ACVR1B: variants seen among roughly 807,000 people sequenced by gnomAD.
ACVR1B encodes activin A receptor type 1B.
A neutral mutation model predicts 55.6 loss-of-function variants in ACVR1B; 15 were observed. That is an observed-to-expected ratio of 0.27 (90% CI 0.18 to 0.42). The LOEUF is 0.42. Among genes scored for constraint, ACVR1B ranks in the 10% least tolerant of loss-of-function variants. The probability of loss-of-function intolerance (pLI) is 1.00; values close to 1 mark genes in which losing one functional copy is unlikely to be tolerated. For missense variants in ACVR1B, 359 were observed against 670.1 expected (o/e 0.54, Z 5.13); for synonymous variants, 247 against 254.6 (o/e 0.97, Z 0.28).
rs904754606 is a variant in ACVR1B, at chr12:51,995,627, T to G, written c.*1517T>G. The G allele has an allele frequency of 1.2e-4, 19 of 152,580 alleles. No homozygotes were observed. The highest frequency in any genetic ancestry group is 4.6e-4 in the African/African-American group (19 of 41,416). 9.5% of individuals were successfully genotyped at this position (152,580 alleles called of 1,614,324 possible). ...TTTTAATGTTGTTAAATATTAAGTT[T>G]TTGTAAAAGGAAAACCATCTCTGTG... is the stretch of plus-strand genomic sequence containing the variant. On this transcript the variant is annotated 3_prime_UTR_variant, in exon 9 of 9. Coordinates refer to ENST00000257963, the MANE Select transcript of ACVR1B (RefSeq NM_004302.5).
chr12:51,953,814 A>G (rs1941357928), intron 1 of ACVR1B, among the ~76,000 whole-genome samples: 1 of 152,192 alleles, frequency 6.6e-6, no homozygotes, highest in African/African-American at 2.4e-5. Context: ...TGAATGGGGC[A>G]GAGTTCATTT....
chr12:51,978,829 CAAAAAA>C (rs34088542), intron 3 of ACVR1B, among the ~76,000 whole-genome samples: 5 of 48,278 alleles, frequency 1.0e-4, no homozygotes, highest in Non-Finnish European at 1.9e-4. Context: ...GACTCCGTCT[CAAAAAA>C]AAAAAAAAAA....
intron 1 of ACVR1B, 107 bp downstream of exon 1, chr12:51,951,941 A>C: frequency 3.2e-6 from 2 of 620,000 alleles, no homozygotes; most frequent in South Asian, 1.6e-4. Context: ...CCACGAGCAC[A>C]ATATGGCCGG....
Position 51,985,183 on chromosome 12 carries a change from C to T in ACVR1B, c.980-9C>T, listed in dbSNP as rs985218146. The T allele has an allele frequency of 3.8e-6, 6 of 1,595,470 alleles. No homozygotes were observed. Among genetic ancestry groups the T allele is most frequent in the Admixed American group, 3.6e-5 (2 of 55,580 alleles). On this transcript the variant is annotated splice_polypyrimidine_tract_variant and intron_variant, in intron 5 of 8. Transcript: ENST00000257963. ...TCTTTGTAAAGATCCCTGTTTTTTT[C>T]TCTGCCAGGGAAGCCTGGAATTGCT...
intron 8 of ACVR1B, among the ~76,000 whole-genome samples, chr12:51,993,031 G>T (rs577739200): frequency 6.6e-6 from 1 of 152,256 alleles, no homozygotes; most frequent in East Asian, 1.9e-4. Context: ...AAATGAAATT[G>T]TAACAAAGGT....
Position 51,951,822 on chromosome 12 carries a change from C to T in ACVR1B, c.79C>T (p.Arg27Trp). The change falls in exon 1 of 9, where the codon CGG becomes TGG. Residue 27 changes from arginine to tryptophan, a missense_variant. By Grantham distance (101) the Arg-to-Trp change is moderately radical (BLOSUM62 -3). Transcript: ENST00000257963. ...LLAGSGGSGP[R>W]GVQALLCACT... ...CGCCGGCAGCGGCGGGTCCGGGCCC[C>T]GGGGGGTCCAGGGTGAGTCCTGGGA... 7.8e-7 allele frequency: 1 copy of T among 1,276,848 alleles called. No homozygotes were observed. 79.1% of individuals were successfully genotyped at this position (1,276,848 alleles called of 1,614,324 possible). A position where few individuals can be genotyped will look rare whatever the true frequency, so the allele number is the denominator to read the frequency against.
rs1941589823 is a variant in ACVR1B at position 51,963,923 on chromosome 12, G to C, written c.92-11342G>C. Among the ~76,000 whole-genome samples, 4 of 152,286 alleles carry C rather than the reference G, an allele frequency of 2.6e-5. No individual in the cohort carries two copies. In the South Asian group the frequency reaches 8.3e-4, roughly 32 times the overall value. ...TCCCAGCAATGCACCAAGGGTTCCA[G>C]TTTCTCTAAATCTTCACCAACACTT... On this transcript the variant is annotated intron_variant, in intron 1 of 8. Transcript: ENST00000257963.
At chr12:51,961,655 G>A (rs1283331384) in intron 1 of ACVR1B, among the ~76,000 whole-genome samples, 1 of 151,992 alleles carries the variant, frequency 6.6e-6, no homozygotes, top group Non-Finnish European at 1.5e-5. Context: ...TGACATACAC[G>A]GTCTCCTCTC....
At position 51,995,128 on chromosome 12, in the gene ACVR1B, G is replaced by C. The variant is rs1194636628; in HGVS notation, c.*1018G>C. The stretch of plus-strand genomic sequence containing the variant: ...AGCCATGGGAAATGAGCCAGCCCAA[G>C]GGCATCATCCTCAGCAGCATCGAGG... On this transcript the variant is annotated 3_prime_UTR_variant, in exon 9 of 9. Coordinates refer to ENST00000257963, the MANE Select transcript of ACVR1B (RefSeq NM_004302.5). The C allele has an allele frequency of 6.5e-6, 1 of 153,180 alleles. No individual in the cohort carries two copies. Among genetic ancestry groups the C allele is most frequent in the Non-Finnish European group, 1.5e-5 (1 of 68,226 alleles). The allele number at this position is 153,180 out of a possible 1,614,324, so 9.5% of individuals were successfully genotyped here. A position where few individuals can be genotyped will look rare whatever the true frequency, so the allele number is the denominator to read the frequency against.
intron 1 of ACVR1B, among the ~76,000 whole-genome samples, chr12:51,963,435 G>A (rs906379297): frequency 7.9e-5 from 12 of 152,028 alleles, no homozygotes; most frequent in South Asian, 2.1e-4. Flanking sequence ...TAGTAGAGAC[G>A]GGGTTTCACC....
At chr12:51,982,925 G>C in intron 4 of ACVR1B, 1 of 1,093,342 alleles carries the variant, frequency 9.1e-7, no homozygotes, top group Non-Finnish European at 1.2e-6. Context: ...CAGGACTTTG[G>C]GGCTGGTTAG....
chr12:51,965,506 G>A (rs1215314105), intron 1 of ACVR1B, among the ~76,000 whole-genome samples: 1 of 152,216 alleles, frequency 6.6e-6, no homozygotes, highest in East Asian at 1.9e-4. Context: ...TTCAATGTCA[G>A]CAGCTGGGTG....
At position 51,959,604 on chromosome 12, in the gene ACVR1B, G is replaced by T. The variant is rs1022862066; in HGVS notation, c.91+7770G>T. ...ACTGTGAAATAGTAACTAGGTGGTG[G>T]TTTAAAAAATGTATGCATTGGGTGG... is the stretch of plus-strand genomic sequence containing the variant. On this transcript the variant is annotated intron_variant, in intron 1 of 8. Coordinates refer to ENST00000257963, the MANE Select transcript of ACVR1B (RefSeq NM_004302.5). Among the ~76,000 whole-genome samples, 45 of 152,212 alleles carry T rather than the reference G, an allele frequency of 3.0e-4. 1 individual carries two copies. The highest frequency in any genetic ancestry group is 2.5e-3 in the Admixed American group (38 of 15,276).
intron 7 of ACVR1B, among the ~76,000 whole-genome samples, chr12:51,988,382 C>T (rs1185780755): frequency 3.9e-5 from 6 of 152,238 alleles, no homozygotes; most frequent in South Asian, 2.1e-4. Flanking sequence ...GGCAGGAGAA[C>T]GCTTGAACCC....
chr12:51,987,159 G>T, intron 7 of ACVR1B: 1 of 726,786 alleles, frequency 1.4e-6, no homozygotes, highest in South Asian at 1.5e-5. Flanking sequence ...TGTGTGTTAT[G>T]GTAACCATTC....
chr12:51,990,661 G>C (rs1942172969), intron 7 of ACVR1B, among the ~76,000 whole-genome samples: 1 of 152,084 alleles, frequency 6.6e-6, no homozygotes, highest in Non-Finnish European at 1.5e-5. Flanking sequence ...GATTTCCCCA[G>C]TCTCCTAAAT....
At chr12:51,964,117 C>A (rs1192125883) in intron 1 of ACVR1B, among the ~76,000 whole-genome samples, 3 of 152,078 alleles carry the variant, frequency 2.0e-5, no homozygotes, top group African/African-American at 7.2e-5. Context: ...CTGTTCAGGT[C>A]TTTTTCCAGT....
intron 1 of ACVR1B, among the ~76,000 whole-genome samples, chr12:51,963,484 C>T (rs1365749726): frequency 6.6e-6 from 1 of 152,204 alleles, no homozygotes; most frequent in Non-Finnish European, 1.5e-5. Context: ...GTGATCCACC[C>T]ACCTCGGCCT....
chr12:51,951,971 CG>C, intron 1 of ACVR1B, 137 bp downstream of exon 1: 1 of 443,506 alleles, frequency 2.3e-6, no homozygotes, highest in Non-Finnish European at 3.6e-6. Context: ...GCAGAGGAGT[CG>C]GGGTGACCCC....
Sources: gnomAD v4.1 joint callset for allele counts (sites outside exome capture counted in the v4.1 genomes callset) on GRCh38, gnomAD v4.1.1 for gene constraint, MANE v1.5 for transcripts, NCBI Gene and HGNC (gene_info 2026-07-23, HGNC 2026-07-21) for gene names.